The following IL16 variants were observed in gnomAD, a reference collection of about 807,000 sequenced individuals.
IL16 encodes the protein pro-interleukin-16.
A neutral mutation model predicts 110.1 loss-of-function variants in IL16; 67 were observed. The observed-to-expected ratio is 0.61, with a 90% CI of 0.50 to 0.75. The LOEUF (loss-of-function observed/expected upper bound fraction) is 0.75. IL16 is among the 30% of genes least tolerant of loss of function. IL16 has a pLI of 0.00. For synonymous variants in IL16, 689 were observed against 662.9 expected (o/e 1.04, Z -0.61); for missense variants, 1,545 against 1,655.0 (o/e 0.93, Z 1.15).
chr15:81,270,290 C>T (rs1032522227), intron 5 of IL16, among the ~76,000 whole-genome samples: 27 of 152,212 alleles, frequency 1.8e-4, no homozygotes, highest in Admixed American at 2.6e-4. Flanking sequence ...GAACATGCCA[C>T]CTTGTGCGTG....
At chr15:81,192,179 A>G (rs1286163918), upstream of IL16, among the ~76,000 whole-genome samples, 1 of 152,234 alleles carries the variant, frequency 6.6e-6, no homozygotes. Flanking sequence ...GTACCACGCC[A>G]ATGCAAGATG....
At chr15:81,203,916 A>T (rs556560569) in intron 1 of IL16, among the ~76,000 whole-genome samples, 1 of 152,198 alleles carries the variant, frequency 6.6e-6, no homozygotes, top group East Asian at 1.9e-4. Context: ...CTTGGGCAGT[A>T]TGGCCATTTT....
intron 1 of IL16, among the ~76,000 whole-genome samples, chr15:81,188,163 G>A (rs1389562974): frequency 6.6e-6 from 1 of 152,184 alleles, no homozygotes; most frequent in Admixed American, 6.5e-5. Flanking sequence ...AATGGGCATT[G>A]GAGGCAATGC....
At chr15:81,270,362 TG>T (rs1898577212) in intron 5 of IL16, among the ~76,000 whole-genome samples, 1 of 151,900 alleles carries the variant, frequency 6.6e-6, no homozygotes, top group Non-Finnish European at 1.5e-5. Flanking sequence ...AATGAAAGGG[TG>T]GTTTCTTTAT....
At chr15:81,183,074 C>T (rs1895369228) in intron 1 of IL16, among the ~76,000 whole-genome samples, 1 of 151,610 alleles carries the variant, frequency 6.6e-6, no homozygotes, top group South Asian at 2.1e-4. Flanking sequence ...TAAGTGTGTG[C>T]ACACGTGTGC....
intron 3 of IL16, among the ~76,000 whole-genome samples, chr15:81,264,052 T>C (rs1007648895): frequency 2.0e-5 from 3 of 152,174 alleles, no homozygotes; most frequent in African/African-American, 7.2e-5. Context: ...ATAGGTTGGG[T>C]GGAGCACTGA....
At chr15:81,271,277 T>C (rs191705236) in intron 5 of IL16, among the ~76,000 whole-genome samples, 379 of 142,658 alleles carry the variant, frequency 2.7e-3, no homozygotes, top group Non-Finnish European at 4.6e-3. Flanking sequence ...ATAAAATAAA[T>C]TAAATAAAAT....
In IL16 at chr15:81,300,172, C is replaced by G. The variant is rs1325952652; in HGVS notation, c.2846C>G (p.Ala949Gly). ...DPLLRLLSTQ[A>G]EESQGPVLKM... is the part of the protein sequence containing the mutation. ...CTCCTAAGGCTGCTGTCAACACAGG[C>G]TGAGGAATCTCAAGGCCCAGTGCTC... Residue 949 changes from alanine to glycine, a missense_variant, in exon 14 of 19, where the codon GCT becomes GGT. Ala to Gly is a moderately conservative substitution (Grantham distance 60). Around this residue, in one of 3 missense-constraint regions of IL16, gnomAD observed 1,185 missense variants for 1,238.8 expected, o/e 0.96. Transcript: ENST00000683961. 6.2e-7 allele frequency: 1 copy of G among 1,614,130 alleles called. No individual in the cohort carries two copies. The highest frequency in any genetic ancestry group is 1.7e-5 in the Admixed American group (1 of 60,024).
Position 81,303,279 on chromosome 15 carries a change from T to C in IL16, c.3319-270T>C. 2.2e-5 allele frequency: 8 copies of C among 365,262 alleles called. No homozygotes were observed. Among genetic ancestry groups the C allele is most frequent in the Non-Finnish European group, 3.6e-5 (7 of 196,910 alleles). 22.6% of individuals were successfully genotyped at this position (365,262 alleles called of 1,614,324 possible). A position where few individuals can be genotyped will look rare whatever the true frequency, so the allele number is the denominator to read the frequency against. On this transcript the variant is annotated intron_variant, in intron 15 of 18. Transcript: ENST00000683961. This position sits in a 1 kb window ranked among gnomAD's most constrained non-coding sequence, Gnocchi z 4.1. ...TGATTTCTGGCTGACTTCATGGCAC[T>C]CCCCCTGCCCGGCTGTGGACAGGGT...
chr15:81,279,483 T>A, intron 7 of IL16, 75 bp from the exon 8 acceptor site: 2 of 972,756 alleles, frequency 2.1e-6, no homozygotes, highest in Non-Finnish European at 3.1e-6. Flanking sequence ...CACAGAGGTG[T>A]GTTTCCTTAA....
Position 81,196,947 on chromosome 15 carries a change from A to G in IL16, c.-307A>G. 1.6e-6 allele frequency: 2 copies of G among 1,263,064 alleles called. No homozygotes were observed. Among genetic ancestry groups the G allele is most frequent in the South Asian group, 2.6e-5 (2 of 77,602 alleles). 78.2% of individuals were successfully genotyped at this position (1,263,064 alleles called of 1,614,324 possible). A position where few individuals can be genotyped will look rare whatever the true frequency, so the allele number is the denominator to read the frequency against. Reference sequence around the variant, plus strand: ...GTGTCCTACTCACGGCATCTCAACTATCGGAGCCTGGGATCTGACTCAAAG... The same window carrying G: ...GTGTCCTACTCACGGCATCTCAACTGTCGGAGCCTGGGATCTGACTCAAAG... On this transcript the variant is annotated 5_prime_UTR_variant, in exon 1 of 19. Transcript: ENST00000683961.
At chr15:81,186,858 A>G (rs1219183732) in intron 1 of IL16, among the ~76,000 whole-genome samples, 6 of 151,638 alleles carry the variant, frequency 4.0e-5, no homozygotes, top group East Asian at 3.9e-4. Context: ...AAGTCTTACT[A>G]TGTTGCCCAG....
In IL16 at chr15:81,202,301, G is replaced by A. The variant is rs114760575; in HGVS notation, c.-102+5149G>A. On this transcript the variant is annotated intron_variant, in intron 1 of 18. Coordinates refer to ENST00000683961, the MANE Select transcript of IL16 (RefSeq NM_172217.5). Reference sequence around the variant, plus strand: ...GGAGTAGCATCAGATGAGTGCTTTGGTAGTGGAAGAACCTGTTCTCAGAGC... The same window carrying A: ...GGAGTAGCATCAGATGAGTGCTTTGATAGTGGAAGAACCTGTTCTCAGAGC... 2.1e-3 allele frequency among the ~76,000 whole-genome samples: 320 copies of A among 152,312 alleles called. 1 individual carries two copies. Among genetic ancestry groups the A allele is most frequent in the African/African-American group, 6.9e-3 (285 of 41,562 alleles).
intron 2 of IL16, 98 bp downstream of exon 2, chr15:81,225,809 G>T (rs1394728741): frequency 1.1e-5 from 13 of 1,141,972 alleles, no homozygotes; most frequent in African/African-American, 1.6e-5. Context: ...TCATGAAGCT[G>T]CAGAGTTATA....
rs151108695 is a variant in IL16, at chr15:81,303,778, G to T, written c.3420+128G>T. On this transcript the variant is annotated intron_variant, in intron 16 of 18. Coordinates refer to ENST00000683961, the MANE Select transcript of IL16 (RefSeq NM_172217.5). This position sits in a 1 kb window ranked among gnomAD's most constrained non-coding sequence, Gnocchi z 4.1. ...TGCATGACACTAGGCCACTGGGCAG[G>T]TCCTGTCCACTCAGCACATCCCAGA... 2.2e-3 allele frequency: 1,501 copies of T among 677,836 alleles called. 1 individual carries two copies. The highest frequency in any genetic ancestry group is 2.8e-3 in the Non-Finnish European group (1,055 of 373,248). 42.0% of individuals were successfully genotyped at this position (677,836 alleles called of 1,614,324 possible).
chr15:81,189,147 G>T lies in IL16; in HGVS notation c.40+6251G>T, dbSNP rs559892768. ...TTTTTTTTTTTTTTTTTTTTGAGAC[G>T]GAGTCTCACTACATCACCCAGGCTG... On this transcript the variant is annotated intron_variant, in intron 1 of 18. Transcript: ENST00000302987. Among the ~76,000 whole-genome samples the T allele has an allele frequency of 4.1e-5, 6 of 144,600 alleles. No homozygotes were observed. In the East Asian group the frequency reaches 1.0e-3, roughly 25 times the overall value. 94.9% of individuals were successfully genotyped at this position (144,600 alleles called of 152,430 possible).
chr15:81,263,113 TTTAA>T (rs1317752125), intron 3 of IL16, among the ~76,000 whole-genome samples: 1 of 152,196 alleles, frequency 6.6e-6, no homozygotes, highest in African/African-American at 2.4e-5. Flanking sequence ...TTCCTTAAGT[TTTAA>T]TTAATTACCC....
rs112727584 is a variant in IL16, at chr15:81,260,079, C to T, written c.421+199C>T. Among the ~76,000 whole-genome samples the T allele has an allele frequency of 8.2e-3, 1,249 of 152,262 alleles. 11 individuals carry two copies. Among genetic ancestry groups the T allele is most frequent in the Middle Eastern group, 0.02 (6 of 294 alleles). ...CCAGCTCTCCTCATGGCTCCAAGTG[C>T]CATGCTGGAAAGACCTGGGTGTGGG... On this transcript the variant is annotated intron_variant, in intron 3 of 18. Coordinates refer to ENST00000683961, the MANE Select transcript of IL16 (RefSeq NM_172217.5).
chr15:81,244,241 A>G (rs780357601), intron 2 of IL16, among the ~76,000 whole-genome samples: 80 of 152,194 alleles, frequency 5.3e-4, no homozygotes, highest in Non-Finnish European at 9.4e-4. Flanking sequence ...ACTCAAGAGA[A>G]GAAAAGTCTA....
Sources: gnomAD v4.1 joint callset for allele counts (sites outside exome capture counted in the v4.1 genomes callset) on GRCh38, gnomAD v4.1.1 for gene constraint, gnomAD v4.1.1 regional missense constraint, Gnocchi (gnomAD v3.1) non-coding constraint, MANE v1.5 for transcripts, NCBI Gene and HGNC (gene_info 2026-07-23, HGNC 2026-07-21) for gene names.